The following FCHSD2 variants were observed in gnomAD, a reference collection of about 807,000 sequenced individuals.
The protein encoded by FCHSD2 is F-BAR and double SH3 domains protein 2.
Under a neutral mutation model 108.1 loss-of-function variants are expected in FCHSD2, and 38 were observed. That is an observed-to-expected ratio of 0.35 (90% CI 0.27 to 0.46). The LOEUF (loss-of-function observed/expected upper bound fraction) is 0.46. FCHSD2 is among the 20% of genes least tolerant of loss of function. FCHSD2 has a pLI of 1.00. For missense variants in FCHSD2, 751 were observed against 897.8 expected (o/e 0.84, Z 2.09); for synonymous variants, 279 against 314.7 (o/e 0.89, Z 1.20).
intron 3 of FCHSD2, among the ~76,000 whole-genome samples, chr11:73,036,170 T>G (rs778533132): frequency 6.6e-6 from 1 of 152,160 alleles, no homozygotes; most frequent in Non-Finnish European, 1.5e-5. Flanking sequence ...CATGGGTCAT[T>G]TGACTTCCAA....
intron 5 of FCHSD2, among the ~76,000 whole-genome samples, chr11:72,990,446 T>C (rs753301477): frequency 6.6e-5 from 10 of 152,162 alleles, no homozygotes; most frequent in Non-Finnish European, 1.2e-4. Flanking sequence ...ACTGACCACA[T>C]AGTTGGAAGT....
At chr11:72,863,542 T>C (rs1854650250) in intron 13 of FCHSD2, among the ~76,000 whole-genome samples, 3 of 152,212 alleles carry the variant, frequency 2.0e-5, no homozygotes, top group African/African-American at 2.4e-5. Context: ...CTTTGAAAGG[T>C]ATTAAGGAAA....
chr11:73,060,213 C>A (rs930586817), intron 3 of FCHSD2, among the ~76,000 whole-genome samples: 1 of 152,150 alleles, frequency 6.6e-6, no homozygotes, highest in Non-Finnish European at 1.5e-5. Flanking sequence ...AGGAAAGTAA[C>A]ACCCATTCAA....
At chr11:72,923,039 T>C (rs1391728395) in intron 8 of FCHSD2, among the ~76,000 whole-genome samples, 1 of 152,194 alleles carries the variant, frequency 6.6e-6, no homozygotes, top group Non-Finnish European at 1.5e-5. Flanking sequence ...AATCAAATCA[T>C]ATAATATATG....
intron 2 of FCHSD2, among the ~76,000 whole-genome samples, chr11:73,137,307 TAGA>T (rs1458965005): frequency 2.0e-5 from 3 of 152,224 alleles, no homozygotes; most frequent in Admixed American, 6.5e-5. Context: ...TTAATATAGA[TAGA>T]AGAACACACT....
intron 8 of FCHSD2, among the ~76,000 whole-genome samples, chr11:72,968,559 C>T (rs1856955016): frequency 6.6e-6 from 1 of 152,204 alleles, no homozygotes; most frequent in Non-Finnish European, 1.5e-5. Flanking sequence ...AGGAACTCTT[C>T]TTGCCAAATA....
intron 3 of FCHSD2, among the ~76,000 whole-genome samples, chr11:73,023,197 C>T (rs1858148906): frequency 6.6e-6 from 1 of 151,956 alleles, no homozygotes; most frequent in African/African-American, 2.4e-5. Context: ...ATAAATTGGA[C>T]CTTATCAGAA....
chr11:72,985,318 A>C (rs941390175), intron 6 of FCHSD2, among the ~76,000 whole-genome samples: 1 of 150,944 alleles, frequency 6.6e-6, no homozygotes, highest in Non-Finnish European at 1.5e-5. Flanking sequence ...GTAAAACAGG[A>C]AATACTGGGA....
intron 3 of FCHSD2, among the ~76,000 whole-genome samples, chr11:73,016,702 A>G (rs1857981766): frequency 2.0e-5 from 3 of 152,174 alleles, no homozygotes; most frequent in African/African-American, 7.2e-5. Context: ...GCTGTTCCAT[A>G]TTATTAATTC....
Position 72,999,315 on chromosome 11 carries a change from C to CTTT in FCHSD2, c.387+1672_387+1674dup, listed in dbSNP as rs777275615. On this transcript the variant is annotated intron_variant, in intron 5 of 19. Transcript: ENST00000409418. ...CATTTGTTGAATCTTACCAAAGATT[C>CTTT]TTTTTTTTTTTTTTTTTTTTTTGAG... Among the ~76,000 whole-genome samples, 259 of 103,658 alleles carry CTTT rather than the reference C, an allele frequency of 2.5e-3. 3 individuals carry two copies. The highest frequency in any genetic ancestry group is 3.7e-3 in the African/African-American group (104 of 27,886). The allele number at this position is 103,658 out of a possible 152,430, so 68.0% of individuals were successfully genotyped here. A position where few individuals can be genotyped will look rare whatever the true frequency, so the allele number is the denominator to read the frequency against.
intron 8 of FCHSD2, among the ~76,000 whole-genome samples, chr11:72,938,319 T>C (rs1280498525): frequency 2.0e-5 from 3 of 152,030 alleles, no homozygotes; most frequent in Non-Finnish European, 4.4e-5. Context: ...GATTTATACT[T>C]GAATTTAATG....
At chr11:72,907,601 T>TC in intron 9 of FCHSD2, among the ~76,000 whole-genome samples, 1 of 143,038 alleles carries the variant, frequency 7.0e-6, no homozygotes, top group Middle Eastern at 3.5e-3. Context: ...TCACGTGGGT[T>TC]TTTTTTTTTT....
intron 5 of FCHSD2, among the ~76,000 whole-genome samples, chr11:72,996,351 T>C (rs1018371200): frequency 3.9e-5 from 6 of 152,186 alleles, no homozygotes; most frequent in Non-Finnish European, 5.9e-5. Flanking sequence ...TGGCAGCAGT[T>C]TGCAAACTCT....
intron 10 of FCHSD2, among the ~76,000 whole-genome samples, chr11:72,898,945 G>A (rs550202718): frequency 6.9e-4 from 105 of 151,770 alleles, no homozygotes; most frequent in African/African-American, 2.3e-3. Flanking sequence ...GGGTTTCGCC[G>A]TGTTGCCCAG....
At chr11:72,962,628 T>C (rs960151059) in intron 8 of FCHSD2, among the ~76,000 whole-genome samples, 1 of 152,122 alleles carries the variant, frequency 6.6e-6, no homozygotes, top group African/African-American at 2.4e-5. Context: ...AGAATGTTCT[T>C]TATGTAAAAC....
intron 13 of FCHSD2, among the ~76,000 whole-genome samples, chr11:72,857,166 C>G (rs10751218): frequency 1 from 152,001 of 152,354 alleles, 75,825 homozygotes; most frequent in Middle Eastern, 1. Flanking sequence ...CCAGCAATAG[C>G]GGTCACTGTC....
Position 73,139,146 on chromosome 11 carries a change from T to C in FCHSD2, c.119+885A>G, listed in dbSNP as rs145586672. Reference sequence around the variant, plus strand: ...AGGAAATTCTTGAAACTAAAATCTTTGGGCTATAAACAGCAATCCAAACAC... The same window carrying C: ...AGGAAATTCTTGAAACTAAAATCTTCGGGCTATAAACAGCAATCCAAACAC... On this transcript the variant is annotated intron_variant, in intron 2 of 19. Coordinates refer to ENST00000409418, the MANE Select transcript of FCHSD2 (RefSeq NM_014824.3). Among the ~76,000 whole-genome samples the C allele has an allele frequency of 1.5e-4, 23 of 152,338 alleles. No individual in the cohort carries two copies. In the East Asian group the frequency reaches 4.4e-3, roughly 29 times the overall value.
At chr11:73,115,574 A>G (rs752303766) in intron 2 of FCHSD2, among the ~76,000 whole-genome samples, 14 of 152,242 alleles carry the variant, frequency 9.2e-5, no homozygotes, top group Non-Finnish European at 1.8e-4. Context: ...TCAGAGAAAC[A>G]GAGTGAATAG....
chr11:73,035,892 T>C (rs1459961131), intron 3 of FCHSD2, among the ~76,000 whole-genome samples: 1 of 151,896 alleles, frequency 6.6e-6, no homozygotes, highest in Non-Finnish European at 1.5e-5. Context: ...AGCTAATTTT[T>C]GTATTTTTAA....
Sources: gnomAD v4.1 joint callset for allele counts (sites outside exome capture counted in the v4.1 genomes callset) on GRCh38, gnomAD v4.1.1 for gene constraint, MANE v1.5 for transcripts, NCBI Gene and HGNC (gene_info 2026-07-23, HGNC 2026-07-21) for gene names.